The following BORCS5 variants were observed in gnomAD, a reference collection of about 807,000 sequenced individuals.
BORCS5 encodes the protein BLOC-1-related complex subunit 5.
In BORCS5, 17 loss-of-function variants were observed where a neutral mutation model predicts 22.1. That is an observed-to-expected ratio of 0.77 (90% CI 0.53 to 1.15). The LOEUF (loss-of-function observed/expected upper bound fraction) is 1.15. Among genes scored for constraint, BORCS5 ranks in the 50% most tolerant of loss-of-function variants. The probability of loss-of-function intolerance (pLI) is 0.00; values close to 1 mark genes in which losing one functional copy is unlikely to be tolerated. For synonymous variants in BORCS5, 117 were observed against 99.8 expected (o/e 1.17, Z -1.03); for missense variants, 247 against 253.2 (o/e 0.98, Z 0.17).
chr12:12,374,160 T>A (rs1863593611), intron 2 of BORCS5, among the ~76,000 whole-genome samples: 1 of 151,382 alleles, frequency 6.6e-6, no homozygotes, highest in Admixed American at 6.6e-5. Context: ...GCTAATTTTT[T>A]TTTTGTATTT....
rs982130975 is a variant in BORCS5, at chr12:12,470,601, G to A, written c.*4825G>A. Among the ~76,000 whole-genome samples, 1 of 151,752 alleles carries A rather than the reference G, an allele frequency of 6.6e-6. No homozygotes were observed. Among genetic ancestry groups the A allele is most frequent in the Non-Finnish European group, 1.5e-5 (1 of 67,996 alleles). On this transcript the variant is annotated 3_prime_UTR_variant, in exon 4 of 4. Coordinates refer to ENST00000314565, the MANE Select transcript of BORCS5 (RefSeq NM_058169.6). ...CTGCTTCCCTGTCTGTAGAAAAATT[G>A]TCTTCTATGAAATGGGTCCCTGGTG...
At chr12:12,397,905 T>A (rs997568961) in intron 2 of BORCS5, among the ~76,000 whole-genome samples, 4 of 152,222 alleles carry the variant, frequency 2.6e-5, no homozygotes, top group South Asian at 2.1e-4. Context: ...GGGCTTACAT[T>A]TTCCTTACTA....
At chr12:12,368,556 A>G (rs60951870) in intron 2 of BORCS5, among the ~76,000 whole-genome samples, 31,780 of 150,908 alleles carry the variant, frequency 0.21, 8,035 homozygotes, top group African/African-American at 0.61. Context: ...ATGATCTTCC[A>G]ACCTCAGCCT....
At chr12:12,447,116 C>G (rs1414599907) in intron 3 of BORCS5, among the ~76,000 whole-genome samples, 2 of 152,162 alleles carry the variant, frequency 1.3e-5, no homozygotes, top group African/African-American at 4.8e-5. Flanking sequence ...GACTTAGATT[C>G]TCTGGAGTCT....
At chr12:12,413,081 A>G (rs1249600751) in intron 2 of BORCS5, among the ~76,000 whole-genome samples, 3 of 105,470 alleles carry the variant, frequency 2.8e-5, no homozygotes, top group East Asian at 2.5e-4. Flanking sequence ...GTCCCTGATT[A>G]CTTGAGATTG....
At chr12:12,462,759 C>T (rs946634122) in intron 3 of BORCS5, among the ~76,000 whole-genome samples, 1 of 152,068 alleles carries the variant, frequency 6.6e-6, no homozygotes, top group South Asian at 2.1e-4. Context: ...TGGGTTCAAA[C>T]GATTCTCCTG....
intron 2 of BORCS5, among the ~76,000 whole-genome samples, chr12:12,409,258 ATGTGCAC>A (rs1941661966): frequency 6.6e-6 from 1 of 151,930 alleles, no homozygotes; most frequent in Non-Finnish European, 1.5e-5. Flanking sequence ...TTTAGGGTAC[ATGTGCAC>A]AACGTGCAGG....
rs1943039938 is a variant in BORCS5, at chr12:12,458,558, T to C, written c.361-6988T>C. On this transcript the variant is annotated intron_variant, in intron 3 of 3. Coordinates refer to ENST00000314565, the MANE Select transcript of BORCS5 (RefSeq NM_058169.6). ...CAGTCTGCTGCTTGCCTTTTCATTT[T>C]ATTTCTTTTCTTTTCTTTCCTTTTT... Among the ~76,000 whole-genome samples, 3 of 151,768 alleles carry C rather than the reference T, an allele frequency of 2.0e-5. No homozygotes were observed. The South Asian group carries it at 6.2e-4, about 32-fold the overall frequency.
intron 3 of BORCS5, chr12:12,452,543 C>T (rs1942930771): frequency 2.7e-6 from 1 of 367,106 alleles, no homozygotes; most frequent in African/African-American, 2.1e-5. Context: ...GCGCGCAAGC[C>T]TCGCCTCGTG....
At chr12:12,421,348 A>G (rs568970634) in intron 2 of BORCS5, among the ~76,000 whole-genome samples, 1 of 152,178 alleles carries the variant, frequency 6.6e-6, no homozygotes, top group Non-Finnish European at 1.5e-5. Flanking sequence ...GTGATGGATT[A>G]CGTTTATTGA....
At chr12:12,359,519 G>A (rs1439543144) in intron 1 of BORCS5, among the ~76,000 whole-genome samples, 37 of 151,948 alleles carry the variant, frequency 2.4e-4, no homozygotes, top group African/African-American at 8.9e-4. Context: ...ATGCCACCAC[G>A]CCTGGATAAT....
chr12:12,403,559 G>A (rs552552269), intron 2 of BORCS5, among the ~76,000 whole-genome samples: 2 of 152,038 alleles, frequency 1.3e-5, no homozygotes, highest in Admixed American at 6.6e-5. Flanking sequence ...TTTTTTTCCC[G>A]AGTATTATCA....
chr12:12,439,477 G>GA (rs996079508), intron 3 of BORCS5, among the ~76,000 whole-genome samples: 3 of 150,038 alleles, frequency 2.0e-5, no homozygotes, highest in Admixed American at 6.6e-5. Flanking sequence ...AAAAGACCAA[G>GA]AAAAAAAACA....
At chr12:12,442,180 C>G (rs1942697161) in intron 3 of BORCS5, among the ~76,000 whole-genome samples, 1 of 151,140 alleles carries the variant, frequency 6.6e-6, no homozygotes, top group African/African-American at 2.5e-5. Flanking sequence ...TGTCACTTCC[C>G]TGGGTCTTAC....
intron 2 of BORCS5, among the ~76,000 whole-genome samples, chr12:12,430,663 TAAAA>T (rs1315918879): frequency 6.6e-6 from 1 of 152,148 alleles, no homozygotes; most frequent in Non-Finnish European, 1.5e-5. Flanking sequence ...TTCATTTGGT[TAAAA>T]AAAGTTCTGT....
At chr12:12,439,173 T>A (rs10845545) in intron 3 of BORCS5, among the ~76,000 whole-genome samples, 92,992 of 152,112 alleles carry the variant, frequency 0.61, 29,655 homozygotes, top group African/African-American at 0.79. Context: ...TTAAGAAAAT[T>A]CTGATGTCTG....
intron 2 of BORCS5, among the ~76,000 whole-genome samples, chr12:12,416,540 C>T (rs1474729060): frequency 1.3e-5 from 2 of 151,900 alleles, no homozygotes; most frequent in African/African-American, 4.8e-5. Flanking sequence ...AACTCCTGGA[C>T]TCAAGTGATT....
At chr12:12,437,490 A>C (rs930525287) in intron 3 of BORCS5, among the ~76,000 whole-genome samples, 2 of 152,226 alleles carry the variant, frequency 1.3e-5, no homozygotes, top group African/African-American at 2.4e-5. Context: ...TTTGGGAACC[A>C]GTGGTCTTAA....
In BORCS5 at chr12:12,469,310, C is replaced by G. The variant is rs1385556580; in HGVS notation, c.*3534C>G. The stretch of plus-strand genomic sequence containing the variant: ...GGCGGAGGTTGCAGTGAGCCAAGTT[C>G]GTGCCATTGCACTCTGGCCTGGGTA... On this transcript the variant is annotated 3_prime_UTR_variant, in exon 4 of 4. Coordinates refer to ENST00000314565, the MANE Select transcript of BORCS5 (RefSeq NM_058169.6). 1 of 152,246 alleles carries G rather than the reference C, an allele frequency of 6.6e-6. No individual in the cohort carries two copies. Among genetic ancestry groups the G allele is most frequent in the Non-Finnish European group, 1.5e-5 (1 of 68,064 alleles). The allele number at this position is 152,246 out of a possible 1,614,324, so 9.4% of individuals were successfully genotyped here. A position where few individuals can be genotyped will look rare whatever the true frequency, so the allele number is the denominator to read the frequency against.
Sources: gnomAD v4.1 joint callset for allele counts (sites outside exome capture counted in the v4.1 genomes callset) on GRCh38, gnomAD v4.1.1 for gene constraint, MANE v1.5 for transcripts, NCBI Gene and HGNC (gene_info 2026-07-23, HGNC 2026-07-21) for gene names.